The following DAB1 variants were observed in gnomAD, a reference collection of about 807,000 sequenced individuals.
DAB1 encodes disabled homolog 1.
A neutral mutation model predicts 64.6 loss-of-function variants in DAB1; 15 were observed. The observed-to-expected ratio is 0.23, with a 90% CI of 0.16 to 0.36. DAB1 has a LOEUF of 0.36. Among genes scored for constraint, DAB1 ranks in the 10% least tolerant of loss-of-function variants. DAB1 has a pLI of 1.00. For synonymous variants in DAB1, 235 were observed against 251.9 expected (o/e 0.93, Z 0.64); for missense variants, 596 against 706.7 (o/e 0.84, Z 1.78).
At chr1:58,346,202 T>C (rs942464107) in intron 3 of DAB1, among the ~76,000 whole-genome samples, 9 of 152,238 alleles carry the variant, frequency 5.9e-5, no homozygotes, top group African/African-American at 2.2e-4. Flanking sequence ...GCAGGCGGCC[T>C]GCAGCCTGAT....
intron 3 of DAB1, among the ~76,000 whole-genome samples, chr1:58,396,957 C>T (rs544635867): frequency 6.6e-6 from 1 of 151,530 alleles, no homozygotes; most frequent in South Asian, 2.1e-4. Context: ...CCCAGCTACT[C>T]GGGAGGCTGA....
At chr1:57,715,814 G>A (rs1009220950) in intron 6 of DAB1, among the ~76,000 whole-genome samples, 1 of 152,132 alleles carries the variant, frequency 6.6e-6, no homozygotes, top group Non-Finnish European at 1.5e-5. Context: ...GATAGGCCAC[G>A]TTCATGAATT....
At chr1:57,716,805 G>A (rs952773822) in intron 6 of DAB1, among the ~76,000 whole-genome samples, 3 of 152,212 alleles carry the variant, frequency 2.0e-5, no homozygotes, top group Admixed American at 6.5e-5. Flanking sequence ...CCAACCTACA[G>A]AATGGGAGAA....
At chr1:57,380,202 G>T (rs1289207163) in intron 1 of DAB1, among the ~76,000 whole-genome samples, 1 of 152,066 alleles carries the variant, frequency 6.6e-6, no homozygotes, top group Non-Finnish European at 1.5e-5. Context: ...TGAAAATAGA[G>T]ACATAGAGAA....
chr1:57,855,089 G>A (rs1653693332), intron 1 of DAB1, among the ~76,000 whole-genome samples: 1 of 152,148 alleles, frequency 6.6e-6, no homozygotes, highest in South Asian at 2.1e-4. Flanking sequence ...GACAGCAGGA[G>A]ACTGGATTTT....
chr1:57,748,809 C>T (rs72664623), intron 6 of DAB1, among the ~76,000 whole-genome samples: 8,389 of 152,240 alleles, frequency 0.055, 264 homozygotes, highest in Middle Eastern at 0.099. Flanking sequence ...GCAATATCCA[C>T]CCATGTTCCA....
chr1:58,439,660 A>C (rs1644986007), intron 3 of DAB1, among the ~76,000 whole-genome samples: 1 of 152,208 alleles, frequency 6.6e-6, no homozygotes, highest in Non-Finnish European at 1.5e-5. Context: ...TTTTACAAGT[A>C]AGACAAATGA....
At chr1:57,819,364 C>G (rs1376111523) in intron 6 of DAB1, among the ~76,000 whole-genome samples, 2 of 152,206 alleles carry the variant, frequency 1.3e-5, no homozygotes, top group African/African-American at 4.8e-5. Context: ...CGGAGGATAT[C>G]CTGGTTAATC....
chr1:57,777,974 T>TA (rs1173444287), intron 6 of DAB1, among the ~76,000 whole-genome samples: 1 of 152,096 alleles, frequency 6.6e-6, no homozygotes, highest in Non-Finnish European at 1.5e-5. Context: ...TGAAGTTTGC[T>TA]ATGACAGGTC....
chr1:57,162,616 T>TA (rs1208933059), intron 2 of DAB1, among the ~76,000 whole-genome samples: 3 of 152,202 alleles, frequency 2.0e-5, no homozygotes, highest in African/African-American at 7.2e-5. Flanking sequence ...TCACCTCCAT[T>TA]AGAAAAAATC....
chr1:58,264,561 C>A (rs1035538432), intron 4 of DAB1, among the ~76,000 whole-genome samples: 1 of 152,216 alleles, frequency 6.6e-6, no homozygotes, highest in African/African-American at 2.4e-5. Flanking sequence ...CTTTCCTCCA[C>A]GTGATGATTT....
At chr1:57,865,680 G>C (rs1055854766) in intron 1 of DAB1, among the ~76,000 whole-genome samples, 3 of 152,098 alleles carry the variant, frequency 2.0e-5, no homozygotes, top group Non-Finnish European at 4.4e-5. Context: ...TCGCGGCCGT[G>C]CTCTCAGGAA....
chr1:58,222,285 A>G (rs749843368), intron 4 of DAB1, among the ~76,000 whole-genome samples: 3 of 152,090 alleles, frequency 2.0e-5, no homozygotes, highest in Non-Finnish European at 4.4e-5. Flanking sequence ...ATTTTGAAAA[A>G]AAAAATCCCT....
chr1:57,761,753 G>T (rs1420962829), intron 6 of DAB1, among the ~76,000 whole-genome samples: 3 of 152,316 alleles, frequency 2.0e-5, no homozygotes, highest in Middle Eastern at 3.4e-3. Flanking sequence ...CCTTGGCATT[G>T]TGACACGTGG....
rs373364938 is a variant in DAB1, at chr1:58,064,432, GC to G, written n.387+86078del. Among the ~76,000 whole-genome samples the G allele has an allele frequency of 2.7e-3, 405 of 152,288 alleles. 20 individuals are homozygous for G. The South Asian group carries it at 0.08, about 30-fold the overall frequency. ...TCAGTTCAAACCAGCTCTTCGAAGT[GC>G]CCATGTGAAGTGCTTGCTGTGTGGC... is the stretch of plus-strand genomic sequence containing the variant. On this transcript the variant is annotated intron_variant and non_coding_transcript_variant, in intron 5 of 20. Transcript: ENST00000485760.
intron 6 of DAB1, among the ~76,000 whole-genome samples, chr1:57,696,602 A>G (rs1051152407): frequency 4.6e-5 from 7 of 152,168 alleles, no homozygotes; most frequent in Admixed American, 1.3e-4. Flanking sequence ...TGGGAAAAGC[A>G]TGAATACCTC....
At chr1:57,056,577 GA>G (rs1197954537) in intron 9 of DAB1, among the ~76,000 whole-genome samples, 2 of 151,738 alleles carry the variant, frequency 1.3e-5, no homozygotes, top group Non-Finnish European at 2.9e-5. Context: ...AAGTTCAGCA[GA>G]AGTGGGCTTG....
intron 4 of DAB1, among the ~76,000 whole-genome samples, chr1:58,315,898 T>TA (rs1321512507): frequency 6.6e-6 from 1 of 152,182 alleles, no homozygotes; most frequent in Non-Finnish European, 1.5e-5. Flanking sequence ...GGTGATTCCA[T>TA]AGAGGCTAAA....
intron 4 of DAB1, among the ~76,000 whole-genome samples, chr1:58,238,744 T>C (rs1660157891): frequency 6.6e-6 from 1 of 152,088 alleles, no homozygotes. Context: ...ATATTTTAGG[T>C]GAAATCAGGA....
Sources: allele counts gnomAD v4.1 joint callset (sites outside exome capture counted in the v4.1 genomes callset), GRCh38; gene constraint gnomAD v4.1.1; transcripts MANE v1.5; gene names NCBI Gene and HGNC (gene_info 2026-07-23, HGNC 2026-07-21).